The following CA10 variants were observed in gnomAD, a reference collection of about 807,000 sequenced individuals.
CA10 encodes the protein carbonic anhydrase-related protein 10.
A neutral mutation model predicts 44.2 loss-of-function variants in CA10; 14 were observed. That is an observed-to-expected ratio of 0.32 (90% CI 0.21 to 0.50). CA10 has a LOEUF of 0.50. Ranked by LOEUF, CA10 falls within the 20% of genes least tolerant of loss-of-function variation. The pLI, the probability that CA10 is intolerant of heterozygous loss-of-function variation, is 0.99. For synonymous variants in CA10, 159 were observed against 141.6 expected (o/e 1.12, Z -0.87); for missense variants, 350 against 409.7 (o/e 0.85, Z 1.26).
chr17:51,849,163 G>GTATATATATACATATATGTA (rs1978636124), intron 3 of CA10, among the ~76,000 whole-genome samples: 1 of 90,264 alleles, frequency 1.1e-5, no homozygotes, highest in Non-Finnish European at 2.3e-5. Context: ...ATACATATAT[G>GTATATATATACATATATGTA]TATATATATA....
intron 1 of CA10, among the ~76,000 whole-genome samples, chr17:52,108,699 CAAAAAAAAAAAAAAAAAA>C (rs759411898): frequency 2.2e-5 from 2 of 91,860 alleles, no homozygotes; most frequent in Non-Finnish European, 4.6e-5. Flanking sequence ...GACTCCGTCT[CAAAAAAAAAAAAAAAAAA>C]AAAAAAAAAA....
intron 4 of CA10, among the ~76,000 whole-genome samples, chr17:51,715,589 C>G (rs138630147): frequency 6.6e-6 from 1 of 152,300 alleles, no homozygotes; most frequent in Non-Finnish European, 1.5e-5. Flanking sequence ...TCCAATTACA[C>G]TCTTTCGGTT....
intron 2 of CA10, among the ~76,000 whole-genome samples, chr17:51,954,057 A>T (rs203013): frequency 0.49 from 74,622 of 151,974 alleles, 18,896 homozygotes; most frequent in African/African-American, 0.57. Flanking sequence ...CTGAGAGACA[A>T]ACATTATTCT....
chr17:51,847,753 TGTAACCAAAGCTTCTAGACAG>T (rs1978561171), intron 3 of CA10, among the ~76,000 whole-genome samples: 1 of 152,174 alleles, frequency 6.6e-6, no homozygotes, highest in Non-Finnish European at 1.5e-5. Flanking sequence ...CATGGGTCTC[TGTAACCAAAGCTTCTAGACAG>T]CACCCCTTGG....
intron 3 of CA10, among the ~76,000 whole-genome samples, chr17:51,818,318 A>G (rs187542347): frequency 1.3e-5 from 2 of 152,330 alleles, no homozygotes; most frequent in Admixed American, 6.5e-5. Flanking sequence ...TTTTCTTTGC[A>G]ATATTCACAA....
At chr17:51,817,441 G>A (rs78505249) in intron 3 of CA10, among the ~76,000 whole-genome samples, 157 of 152,212 alleles carry the variant, frequency 1.0e-3, no homozygotes, top group Admixed American at 2.4e-3. Flanking sequence ...AAGTGATGGT[G>A]GGGAGGGATG....
intron 2 of CA10, among the ~76,000 whole-genome samples, chr17:52,069,630 G>T (rs1987627588): frequency 6.6e-6 from 1 of 152,186 alleles, no homozygotes; most frequent in African/African-American, 2.4e-5. Context: ...TAAGAATCAT[G>T]TGTGAGTTAC....
rs1244689742 is a variant in CA10, at chr17:51,824,771, C to T, written c.280-76953G>A. Among the ~76,000 whole-genome samples, 8 of 152,220 alleles carry T rather than the reference C, an allele frequency of 5.3e-5. No individual in the cohort carries two copies. The East Asian group carries it at 1.5e-3, about 29-fold the overall frequency. ...CTCCTAGACTTTGGGATATCGGCCT[C>T]TTGAAATATGTGCACGTTTGTGTGT... is the stretch of plus-strand genomic sequence containing the variant. On this transcript the variant is annotated intron_variant, in intron 3 of 8. Coordinates refer to ENST00000451037, the MANE Select transcript of CA10 (RefSeq NM_020178.5).
intron 4 of CA10, among the ~76,000 whole-genome samples, chr17:51,745,446 A>C (rs1904643571): frequency 6.6e-6 from 1 of 152,216 alleles, no homozygotes; most frequent in Non-Finnish European, 1.5e-5. Context: ...CTGGGAACAC[A>C]TAATAATGTA....
intron 3 of CA10, among the ~76,000 whole-genome samples, chr17:51,795,534 C>T (rs935329637): frequency 6.6e-6 from 1 of 152,174 alleles, no homozygotes; most frequent in African/African-American, 2.4e-5. Flanking sequence ...ACATAGTCAA[C>T]CAGAAGATTT....
chr17:52,112,374 T>C (rs1191132586), intron 1 of CA10, among the ~76,000 whole-genome samples: 3 of 152,182 alleles, frequency 2.0e-5, no homozygotes, highest in African/African-American at 7.2e-5. Context: ...GTTAGTAAAG[T>C]TTCATTACAA....
chr17:52,000,090 T>C (rs1373937599), intron 2 of CA10, among the ~76,000 whole-genome samples: 1 of 152,046 alleles, frequency 6.6e-6, no homozygotes, highest in Non-Finnish European at 1.5e-5. Context: ...ATTCACAAAA[T>C]AGGCAATTTG....
chr17:51,980,413 T>C (rs775463525), intron 2 of CA10, among the ~76,000 whole-genome samples: 1 of 152,084 alleles, frequency 6.6e-6, no homozygotes, highest in Non-Finnish European at 1.5e-5. Flanking sequence ...CTTATATATA[T>C]TGGGTATTAA....
intron 3 of CA10, among the ~76,000 whole-genome samples, chr17:51,888,138 C>G (rs1598101421): frequency 6.6e-6 from 1 of 151,724 alleles, no homozygotes; most frequent in Admixed American, 6.6e-5. Context: ...ATTTCTTTTC[C>G]TTGTCTCCAG....
chr17:52,142,698 C>T (rs1379761281), intron 1 of CA10, among the ~76,000 whole-genome samples: 1 of 152,090 alleles, frequency 6.6e-6, no homozygotes, highest in Admixed American at 6.5e-5. Context: ...CTGCAGGCAG[C>T]CCTAGGAGGG....
intron 2 of CA10, among the ~76,000 whole-genome samples, chr17:51,983,034 A>T (rs1171616302): frequency 6.6e-6 from 1 of 151,886 alleles, no homozygotes; most frequent in Non-Finnish European, 1.5e-5. Context: ...ATTGCTTTTT[A>T]TCTCAAGCCT....
intron 1 of CA10, among the ~76,000 whole-genome samples, chr17:52,149,692 T>C (rs1363462266): frequency 1.3e-5 from 2 of 152,220 alleles, no homozygotes; most frequent in African/African-American, 2.4e-5. Flanking sequence ...GGCTTTTTTT[T>C]CCTAGGGTGT....
chr17:51,730,653 C>G (rs903316718), intron 4 of CA10, among the ~76,000 whole-genome samples: 2 of 152,124 alleles, frequency 1.3e-5, no homozygotes, highest in African/African-American at 4.8e-5. Flanking sequence ...AATGCATCTT[C>G]CATATTAAAG....
At chr17:51,824,193 G>GA (rs1907925107) in intron 3 of CA10, among the ~76,000 whole-genome samples, 1 of 152,134 alleles carries the variant, frequency 6.6e-6, no homozygotes, top group Non-Finnish European at 1.5e-5. Context: ...CTTTTACTGA[G>GA]AAATAAACCA....
Sources: gnomAD v4.1 joint callset for allele counts (sites outside exome capture counted in the v4.1 genomes callset) on GRCh38, gnomAD v4.1.1 for gene constraint, MANE v1.5 for transcripts, NCBI Gene and HGNC (gene_info 2026-07-23, HGNC 2026-07-21) for gene names.